MYH10: variants seen among roughly 807,000 people sequenced by gnomAD.
MYH10 encodes the protein myosin heavy chain 10.
In MYH10, 55 loss-of-function variants were observed where a neutral mutation model predicts 257.8. The observed-to-expected ratio is 0.21, with a 90% CI of 0.17 to 0.27. The LOEUF is 0.27. Among genes scored for constraint, MYH10 ranks in the 10% least tolerant of loss-of-function variants. MYH10 has a pLI of 1.00. For synonymous variants in MYH10, 854 were observed against 921.7 expected, an observed-to-expected ratio of 0.93 and a Z score of 1.33; for missense variants, 1,631 against 2,500.6, an observed-to-expected ratio of 0.65 and a Z score of 7.42.
At chr17:8,554,087 T>G (rs2082717300) in intron 7 of MYH10, 69 bp from the exon 8 acceptor site, 3 of 1,060,380 alleles carry the variant, frequency 2.8e-6, no homozygotes. Flanking sequence ...ACTAATAAAC[T>G]AAGAAGACAA....
At chr17:8,567,453 A>G (rs573547259) in intron 7 of MYH10, among the ~76,000 whole-genome samples, 1 of 152,324 alleles carries the variant, frequency 6.6e-6, no homozygotes, top group Admixed American at 6.5e-5. Context: ...CACTGAAACT[A>G]TCTCTGAAGG....
Position 8,506,138 on chromosome 17 carries a change from T to C in MYH10, c.3386+180A>G. ...TAAATATTGAGATGGTTTATGAGAC[T>C]TTCTTGCTGTCCTGACACAAATTCT... On this transcript the variant is annotated intron_variant, in intron 27 of 42. Transcript: ENST00000360416. This position sits in a 1 kb window ranked among gnomAD's most constrained non-coding sequence, Gnocchi z 5.0. 1 of 532,688 alleles carries C rather than the reference T, an allele frequency of 1.9e-6. No homozygotes were observed. Among genetic ancestry groups the C allele is most frequent in the Non-Finnish European group, 3.2e-6 (1 of 313,810 alleles). The allele number at this position is 532,688 out of a possible 1,614,324, so 33.0% of individuals were successfully genotyped here.
intron 2 of MYH10, among the ~76,000 whole-genome samples, chr17:8,611,984 T>C (rs760567458): frequency 1.3e-5 from 2 of 152,222 alleles, no homozygotes; most frequent in Non-Finnish European, 2.9e-5. Flanking sequence ...CACAATCAAC[T>C]GTGGTCCAAA....
Position 8,623,185 on chromosome 17 carries a change from A to G in MYH10, c.62T>C (p.Ile21Thr), listed in dbSNP as rs776679361. Residue 21 changes from isoleucine (I) to threonine (T), a missense_variant, in exon 2 of 43, where the codon ATC becomes ACC. Transcript: ENST00000360416. ...ERYLFVDRAV[I>T]YNPATQADWT... ...ATCAGCTTGAGTGGCAGGGTTGTAG[A>G]TGACAGCCCTGTCCACAAAGAGATA... 3 of 1,612,564 alleles carry G rather than the reference A, an allele frequency of 1.9e-6. No homozygotes were observed. The highest frequency in any genetic ancestry group is 2.5e-6 in the Non-Finnish European group (3 of 1,179,478).
chr17:8,602,992 T>G (rs1203459491), intron 3 of MYH10, among the ~76,000 whole-genome samples: 2 of 152,238 alleles, frequency 1.3e-5, no homozygotes, highest in Non-Finnish European at 2.9e-5. Context: ...ATCTTCCTCA[T>G]TCTGTTTACT....
intron 7 of MYH10, chr17:8,560,474 C>G (rs2082952555): frequency 1.1e-5 from 5 of 472,968 alleles, no homozygotes; most frequent in South Asian, 1.8e-5. Flanking sequence ...TAGCCATGGT[C>G]AACGCCACTG....
Position 8,513,020 on chromosome 17 carries a change from T to C in MYH10, c.2746-363A>G, listed in dbSNP as rs187190596. The stretch of plus-strand genomic sequence containing the variant: ...AGTAAGTGATATCCTTGGCCTTTAT[T>C]GTTAATATTTTTGGCCTTGAACACT... On this transcript the variant is annotated intron_variant, in intron 23 of 42. Coordinates refer to ENST00000360416, the MANE Select transcript of MYH10 (RefSeq NM_001256012.3). Among the ~76,000 whole-genome samples, 376 of 152,344 alleles carry C rather than the reference T, an allele frequency of 2.5e-3. 2 individuals are homozygous for C. Among genetic ancestry groups the C allele is most frequent in the African/African-American group, 8.5e-3 (353 of 41,576 alleles).
intron 16 of MYH10, among the ~76,000 whole-genome samples, chr17:8,531,360 T>C (rs1944946791): frequency 6.6e-6 from 1 of 152,118 alleles, no homozygotes; most frequent in Admixed American, 6.5e-5. Context: ...GATTTTTTTT[T>C]TTCCTCAATA....
chr17:8,483,658 C>CT (rs1244704083), intron 37 of MYH10, among the ~76,000 whole-genome samples: 1 of 152,194 alleles, frequency 6.6e-6, no homozygotes, highest in Non-Finnish European at 1.5e-5. Flanking sequence ...ATATGCAACA[C>CT]TTTATCAGTC....
At chr17:8,580,488 G>T (rs954279422) in intron 4 of MYH10, among the ~76,000 whole-genome samples, 1 of 151,798 alleles carries the variant, frequency 6.6e-6, no homozygotes, top group Non-Finnish European at 1.5e-5. Flanking sequence ...AACAAGCAAG[G>T]ATCATGTTTG....
At position 8,488,509 on chromosome 17, in the gene MYH10, C is replaced by CATAAATACCTTA. The variant is rs553910039; in HGVS notation, c.4885-927_4885-916dup. Among the ~76,000 whole-genome samples the CATAAATACCTTA allele has an allele frequency of 1.1e-4, 16 of 152,320 alleles. 2 individuals are homozygous for CATAAATACCTTA. The East Asian group carries it at 3.1e-3, about 29-fold the overall frequency. ...GTCATGTATTTATTAAGGTATAGGTCATAAATACCTTAATAAATACCTGCA... is the reference window on the plus strand; with the variant it reads ...GTCATGTATTTATTAAGGTATAGGTCATAAATACCTTAATAAATACCTTAATAAATACCTGCA... On this transcript the variant is annotated intron_variant, in intron 35 of 42. Transcript: ENST00000360416.
intron 13 of MYH10, among the ~76,000 whole-genome samples, chr17:8,542,785 G>T (rs919065479): frequency 4.6e-5 from 7 of 152,196 alleles, no homozygotes; most frequent in Admixed American, 2.6e-4. Context: ...CTAAGGTGAG[G>T]TAGGAAAAGA....
chr17:8,614,675 A>G (rs976855757), intron 2 of MYH10, among the ~76,000 whole-genome samples: 1 of 152,048 alleles, frequency 6.6e-6, no homozygotes, highest in African/African-American at 2.4e-5. Context: ...ATTAATTTCA[A>G]CTGAATGCTA....
intron 8 of MYH10, among the ~76,000 whole-genome samples, chr17:8,553,037 A>G (rs1201754404): frequency 6.6e-6 from 1 of 152,208 alleles, no homozygotes; most frequent in African/African-American, 2.4e-5. Context: ...CTCTTGAGGT[A>G]AACCTTCCCT....
intron 24 of MYH10, among the ~76,000 whole-genome samples, chr17:8,511,952 G>A (rs2081311228): frequency 6.6e-6 from 1 of 152,202 alleles, no homozygotes; most frequent in South Asian, 2.1e-4. Flanking sequence ...TCCAAAAATT[G>A]TGCCTCATGA....
chr17:8,507,972 T>TA (rs113624706), intron 26 of MYH10, among the ~76,000 whole-genome samples: 250 of 150,586 alleles, frequency 1.7e-3, no homozygotes, highest in African/African-American at 5.6e-3. Context: ...AACTCCATCT[T>TA]AAAAAAAAAG....
chr17:8,494,241 TTCAGGCCC>T (rs1216124943), intron 31 of MYH10, among the ~76,000 whole-genome samples: 1 of 152,122 alleles, frequency 6.6e-6, no homozygotes, highest in African/African-American at 2.4e-5. Flanking sequence ...CCCGTCTTAG[TTCAGGCCC>T]TCAGCCCTTC....
In MYH10 at chr17:8,595,999, T is replaced by C. The variant is rs567691652; in HGVS notation, c.503-6891A>G. Among the ~76,000 whole-genome samples, 12 of 152,324 alleles carry C rather than the reference T, an allele frequency of 7.9e-5. No individual in the cohort carries two copies. The South Asian group carries it at 2.3e-3, about 29-fold the overall frequency. ...TTTGTATGTATTTGGCTGAGGTATC[T>C]GCCCAGTCTTGTACTTTTATTATTT... On this transcript the variant is annotated intron_variant, in intron 3 of 42. Coordinates refer to ENST00000360416, the MANE Select transcript of MYH10 (RefSeq NM_001256012.3).
intron 23 of MYH10, 144 bp from the exon 24 acceptor site, chr17:8,512,801 T>A: frequency 7.4e-6 from 5 of 674,218 alleles, no homozygotes; most frequent in Non-Finnish European, 9.5e-6. Context: ...TTCAAATACG[T>A]TTTTGTCTAT....
Sources: gnomAD v4.1 joint callset for allele counts (sites outside exome capture counted in the v4.1 genomes callset) on GRCh38, gnomAD v4.1.1 for gene constraint, Gnocchi (gnomAD v3.1) non-coding constraint, MANE v1.5 for transcripts, NCBI Gene and HGNC (gene_info 2026-07-23, HGNC 2026-07-21) for gene names.